The following AGT variants were observed in gnomAD, a reference collection of about 807,000 sequenced individuals.
The protein encoded by AGT is alpha-1 antiproteinase, antitrypsin.
Under a neutral mutation model 28.1 loss-of-function variants are expected in AGT, and 26 were observed. The ratio of observed to expected loss-of-function variants is 0.92; its 90% CI spans 0.68 to 1.28. The LOEUF (loss-of-function observed/expected upper bound fraction) is 1.28, where lower values mean the gene tolerates loss of function less well. AGT is among the 50% of genes most tolerant of loss of function. The pLI is 0.00. For missense variants in AGT, 596 were observed against 592.3 expected (o/e 1.01, Z -0.06); for synonymous variants, 259 against 259.6 (o/e 1.00, Z 0.02).
intron 3 of AGT, 142 bp downstream of exon 3, chr1:230,705,791 G>T (rs61757181): frequency 3.8e-6 from 4 of 1,043,086 alleles, no homozygotes; most frequent in African/African-American, 3.1e-5. Flanking sequence ...CACACAGGCC[G>T]CCTGCCCAGC....
intron 2 of AGT, 89 bp from the exon 3 acceptor site, chr1:230,706,289 G>A (rs1663386229): frequency 1.4e-6 from 2 of 1,431,336 alleles, no homozygotes; most frequent in African/African-American, 2.8e-5. Context: ...CCCAGATCCT[G>A]CCCCTCGCCC....
chr1:230,720,653 A>G (rs1404190987), intron 1 of AGT, among the ~76,000 whole-genome samples: 3 of 152,072 alleles, frequency 2.0e-5, no homozygotes, highest in Non-Finnish European at 4.4e-5. Context: ...CCCTTCACCT[A>G]TTTTACATAT....
At chr1:230,715,931 G>T (rs531065741), upstream of AGT, among the ~76,000 whole-genome samples, 10 of 152,292 alleles carry the variant, frequency 6.6e-5, no homozygotes, top group Non-Finnish European at 1.3e-4. Context: ...ATAAACAACT[G>T]ATCAGGTAAC....
At chr1:230,722,979 C>G (rs1373793794) in intron 1 of AGT, among the ~76,000 whole-genome samples, 13 of 152,166 alleles carry the variant, frequency 8.5e-5, no homozygotes, top group Admixed American at 8.5e-4. Flanking sequence ...TGTCCCCACC[C>G]AAATTTCATC....
intron 1 of AGT, among the ~76,000 whole-genome samples, chr1:230,732,933 A>C (rs1411078566): frequency 3.3e-5 from 5 of 152,196 alleles, no homozygotes; most frequent in African/African-American, 1.2e-4. Context: ...GAATGCAGAC[A>C]GGTACCTAAA....
intron 1 of AGT, among the ~76,000 whole-genome samples, chr1:230,721,023 A>G (rs983173977): frequency 6.6e-6 from 1 of 152,266 alleles, no homozygotes; most frequent in African/African-American, 2.4e-5. Context: ...CTCCAGGGAC[A>G]GGTAGTGTGC....
At chr1:230,713,692 G>A (rs967293669) in intron 1 of AGT, among the ~76,000 whole-genome samples, 4 of 152,140 alleles carry the variant, frequency 2.6e-5, no homozygotes, top group African/African-American at 4.8e-5. Flanking sequence ...GATCCCAGCT[G>A]GAGACTGACC....
upstream of AGT, among the ~76,000 whole-genome samples, chr1:230,716,462 A>G (rs143975403): frequency 1.2e-3 from 180 of 152,364 alleles, no homozygotes; most frequent in South Asian, 0.013. Flanking sequence ...GCCATCTGAT[A>G]TGGTTTGGCT....
At chr1:230,735,805 G>A (rs1017610970) in intron 1 of AGT, among the ~76,000 whole-genome samples, 1 of 152,158 alleles carries the variant, frequency 6.6e-6, no homozygotes, top group African/African-American at 2.4e-5. Context: ...CCTCAGAGCT[G>A]TAGATTCTAG....
intron 1 of AGT, among the ~76,000 whole-genome samples, chr1:230,724,417 G>A (rs1456151172): frequency 6.6e-6 from 1 of 152,090 alleles, no homozygotes; most frequent in Admixed American, 6.6e-5. Context: ...TGACTATACT[G>A]GGAATTCTGA....
intron 1 of AGT, among the ~76,000 whole-genome samples, chr1:230,745,021 G>C (rs993414690): frequency 1.3e-5 from 2 of 152,198 alleles, no homozygotes; most frequent in Admixed American, 1.3e-4. Context: ...CGTCTGCCAG[G>C]GCAGTGGGCA....
At chr1:230,731,435 A>G (rs894497058) in intron 1 of AGT, among the ~76,000 whole-genome samples, 4 of 152,216 alleles carry the variant, frequency 2.6e-5, no homozygotes, top group Non-Finnish European at 5.9e-5. Context: ...GCCCATTGCA[A>G]TGAGAGGAAA....
intron 3 of AGT, among the ~76,000 whole-genome samples, chr1:230,705,613 T>C (rs1159494770): frequency 6.6e-6 from 1 of 152,198 alleles, no homozygotes; most frequent in Non-Finnish European, 1.5e-5. Flanking sequence ...ACCAAAATGG[T>C]CCTCTCTCAG....
upstream of AGT, among the ~76,000 whole-genome samples, chr1:230,716,345 G>A (rs760614600): frequency 3.7e-4 from 56 of 152,192 alleles, no homozygotes; most frequent in Non-Finnish European, 7.3e-5. Context: ...ATCAGTGGAA[G>A]TTTCTTATGT....
At chr1:230,739,224 G>A (rs1664201104) in intron 1 of AGT, among the ~76,000 whole-genome samples, 1 of 150,970 alleles carries the variant, frequency 6.6e-6, no homozygotes, top group African/African-American at 2.4e-5. Flanking sequence ...AATTAGCTGG[G>A]TATGACTATA....
At chr1:230,716,193 C>G (rs1663731869), upstream of AGT, among the ~76,000 whole-genome samples, 1 of 152,188 alleles carries the variant, frequency 6.6e-6, no homozygotes, top group South Asian at 2.1e-4. Context: ...TCATTAAAAT[C>G]AATCAGAAAA....
At position 230,706,148 on chromosome 1, in the gene AGT, G is replaced by C. The variant is rs1177506410; in HGVS notation, c.882C>G (p.Asp294Glu). Residue 294 changes from aspartate (D) to glutamate (E), a missense_variant, in exon 3 of 5, where the codon GAC (aspartate) becomes GAG (glutamate). Asp to Glu is a conservative substitution (Grantham distance 45, BLOSUM62 2). Coordinates refer to ENST00000366667, the MANE Select transcript of AGT (RefSeq NM_001384479.1). The stretch of plus-strand genomic sequence containing the variant: ...TGGGAACAGACACTGAGGTGCTGTT[G>C]TCCACCCAGAACTCCTGGGGCTCGG... ...LLAEPQEFWV[D>E]NSTSVSVPML... 1.9e-6 allele frequency: 3 copies of C among 1,613,946 alleles called. No individual in the cohort carries two copies. Among genetic ancestry groups the C allele is most frequent in the Non-Finnish European group, 2.5e-6 (3 of 1,179,982 alleles).
rs547469987 is a variant in AGT at position 230,712,610 on chromosome 1, C to T, written c.-31+1476G>A. On this transcript the variant is annotated intron_variant, in intron 1 of 4. Transcript: ENST00000366667. ...GGAACCGACTGCTGGGAAGTCCTGCCTGACAAGCGCCAACTGTTCGGGGTT... is the reference window on the plus strand; with the variant it reads ...GGAACCGACTGCTGGGAAGTCCTGCTTGACAAGCGCCAACTGTTCGGGGTT... Among the ~76,000 whole-genome samples, 9 of 152,354 alleles carry T rather than the reference C, an allele frequency of 5.9e-5. No homozygotes were observed. The South Asian group carries it at 1.9e-3, about 32-fold the overall frequency.
chr1:230,712,410 TC>T (rs1663620498), intron 1 of AGT, among the ~76,000 whole-genome samples: 1 of 151,878 alleles, frequency 6.6e-6, no homozygotes, highest in South Asian at 2.1e-4. Flanking sequence ...CTCACCCCAC[TC>T]CCCATGCATT....
Sources: gnomAD v4.1 joint callset for allele counts (sites outside exome capture counted in the v4.1 genomes callset) on GRCh38, gnomAD v4.1.1 for gene constraint, MANE v1.5 for transcripts, NCBI Gene and HGNC (gene_info 2026-07-23, HGNC 2026-07-21) for gene names.